The following SRCIN1 variants were observed in gnomAD, a reference collection of about 807,000 sequenced individuals.
SRCIN1 encodes SRC kinase signaling inhibitor 1, also known as P130Cas-associated protein.
A neutral mutation model predicts 116.2 loss-of-function variants in SRCIN1; 50 were observed. The ratio of observed to expected loss-of-function variants is 0.43; its 90% CI spans 0.34 to 0.54. The LOEUF (loss-of-function observed/expected upper bound fraction) is 0.54. Ranked by LOEUF, SRCIN1 falls within the 20% of genes least tolerant of loss-of-function variation. The pLI is 0.02. For missense variants in SRCIN1, 1,446 were observed against 1,672.0 expected (o/e 0.86, Z 2.36); for synonymous variants, 736 against 750.0 (o/e 0.98, Z 0.30).
intron 2 of SRCIN1, among the ~76,000 whole-genome samples, chr17:38,570,223 G>C (rs1401503674): frequency 6.6e-6 from 1 of 152,124 alleles, no homozygotes; most frequent in East Asian, 1.9e-4. Context: ...CTCAGAGACA[G>C]AGACATTCAC....
chr17:38,598,515 C>T (rs974959435), intron 1 of SRCIN1, among the ~76,000 whole-genome samples: 1 of 152,100 alleles, frequency 6.6e-6, no homozygotes, highest in Admixed American at 6.5e-5. Context: ...TGGGGTCTCT[C>T]TATAAGCTGA....
At position 38,563,649 on chromosome 17, in the gene SRCIN1, C is replaced by A; in HGVS notation, c.542-128G>T. ...AGGGTCTGAGGCTAGACGCCGCCCC[C>A]GAGTGCAGATGCACCCAGGCACCTC... On this transcript the variant is annotated intron_variant, in intron 4 of 18. Transcript: ENST00000617146. This position sits in a 1 kb window ranked among gnomAD's most constrained non-coding sequence, Gnocchi z 5.8. The A allele has an allele frequency of 7.7e-7, 1 of 1,305,848 alleles. No homozygotes were observed. Among genetic ancestry groups the A allele is most frequent in the Middle Eastern group, 1.9e-4 (1 of 5,394 alleles). The allele number at this position is 1,305,848 out of a possible 1,614,324, so 80.9% of individuals were successfully genotyped here.
At position 38,548,668 on chromosome 17, in the gene SRCIN1, C is replaced by A. The variant is rs1384132126; in HGVS notation, c.3159G>T (p.Val1053=). The change falls in exon 17 of 19, where the codon GTG becomes GTT. Residue 1053 remains valine (V), a synonymous_variant. Coordinates refer to ENST00000617146, the MANE Select transcript of SRCIN1 (RefSeq NM_025248.3). ...CCTCAGACACAGCCCGGCGCAGCTT[C>A]ACCTGGGGCTTCTGCACCTCCAGCT... ...SEELEVQKPQ[V]KLRRAVSEVA... 1.2e-6 allele frequency: 2 copies of A among 1,611,700 alleles called. No homozygotes were observed. Among genetic ancestry groups the A allele is most frequent in the East Asian group, 4.5e-5 (2 of 44,864 alleles).
Position 38,559,737 on chromosome 17 carries a change from G to A in SRCIN1, c.1873C>T (p.Pro625Ser), listed in dbSNP as rs1392582069. ...GSGGRSSGAT[P>S]VSGPPPPSAS... is the part of the protein sequence containing the mutation. ...GAGGGCGGGGGCGGGCCGGACACCG[G>A]GGTGGCCCCGCTGCTCCGGCCGCCT... The change falls in exon 10 of 19, where the codon CCG becomes TCG. Residue 625 changes from proline to serine, a missense_variant. Pro to Ser is a moderately conservative substitution (Grantham distance 74, BLOSUM62 -1). Around this residue, in one of 5 missense-constraint regions of SRCIN1, gnomAD observed 398 missense variants for 385.6 expected, o/e 1.03. Coordinates refer to ENST00000617146, the MANE Select transcript of SRCIN1 (RefSeq NM_025248.3). 1.9e-6 allele frequency: 3 copies of A among 1,546,492 alleles called. No homozygotes were observed. The Admixed American group carries it at 5.8e-5, about 30-fold the overall frequency.
chr17:38,538,813 C>T (rs1904552270), intron 18 of SRCIN1, among the ~76,000 whole-genome samples: 2 of 152,304 alleles, frequency 1.3e-5, no homozygotes, highest in South Asian at 2.1e-4. Flanking sequence ...GAATTTGTAG[C>T]AGGCACACTC....
intron 1 of SRCIN1, among the ~76,000 whole-genome samples, chr17:38,596,731 G>A (rs1176798786): frequency 1.3e-5 from 2 of 151,952 alleles, no homozygotes; most frequent in Non-Finnish European, 2.9e-5. Flanking sequence ...CCCTGCCTGT[G>A]TTAGAGGAGA....
At chr17:38,539,936 G>C (rs1016248699) in intron 18 of SRCIN1, among the ~76,000 whole-genome samples, 1 of 146,792 alleles carries the variant, frequency 6.8e-6, no homozygotes, top group Non-Finnish European at 1.5e-5. Flanking sequence ...CAGGAGAATC[G>C]CTTGAACCCG....
intron 15 of SRCIN1, among the ~76,000 whole-genome samples, chr17:38,550,336 T>C (rs558365026): frequency 1.8e-4 from 28 of 151,764 alleles, no homozygotes; most frequent in African/African-American, 6.8e-4. Flanking sequence ...CTACTAAAAA[T>C]ACAAAAAAAT....
Position 38,534,564 on chromosome 17 carries a change from A to G in SRCIN1, c.3418-1133T>C, listed in dbSNP as rs527866091. Among the ~76,000 whole-genome samples, 224 of 152,282 alleles carry G rather than the reference A, an allele frequency of 1.5e-3. 1 individual carries two copies. Among genetic ancestry groups the G allele is most frequent in the African/African-American group, 5.2e-3 (216 of 41,554 alleles). On this transcript the variant is annotated intron_variant, in intron 18 of 18. Transcript: ENST00000617146. ...ACAGGGCGCTGTGGCGAGTCACCAG[A>G]GACCACCCTGAGGTTAGGTCTGGGC...
In SRCIN1 at chr17:38,562,522, A is replaced by G. The variant is rs1041650565; in HGVS notation, c.835-194T>C. Among the ~76,000 whole-genome samples, 3 of 152,276 alleles carry G rather than the reference A, an allele frequency of 2.0e-5. No homozygotes were observed. The highest frequency in any genetic ancestry group is 6.8e-3 in the Middle Eastern group (2 of 294). ...ATGGAGGAAAAGGTGGCCGATGAAG[A>G]GGCACCAGAGGGGTAACCCTCAGCT... On this transcript the variant is annotated intron_variant, in intron 6 of 18. Transcript: ENST00000617146. The surrounding 1 kb of genome is among the most constrained non-coding windows in gnomAD (Gnocchi z 4.2).
intron 7 of SRCIN1, among the ~76,000 whole-genome samples, chr17:38,560,951 A>C (rs1199649896): frequency 6.6e-6 from 1 of 152,198 alleles, no homozygotes; most frequent in South Asian, 2.1e-4. Flanking sequence ...TACCTCCTCC[A>C]GCCCTGCACC....
chr17:38,559,457 G>C, intron 10 of SRCIN1, 128 bp downstream of exon 10: 3 of 968,208 alleles, frequency 3.1e-6, no homozygotes, highest in East Asian at 2.8e-5. Flanking sequence ...GCCAGTGAGC[G>C]GCGAAGGACT....
In SRCIN1 at chr17:38,604,641, C is replaced by T. The variant is rs1259244494; in HGVS notation, c.22+1043G>A. ...GCTGGGGGACGAGCACCAGCAGCCG[C>T]ACACGCCCCGCCGGGCCCTGACAGC... is the stretch of plus-strand genomic sequence containing the variant. On this transcript the variant is annotated intron_variant, in intron 1 of 18. Transcript: ENST00000617146. The surrounding 1 kb of genome is among the most constrained non-coding windows in gnomAD (Gnocchi z 4.3). 2.4e-6 allele frequency: 1 copy of T among 414,954 alleles called. No homozygotes were observed. The highest frequency in any genetic ancestry group is 2.1e-5 in the African/African-American group (1 of 47,930). The allele number at this position is 414,954 out of a possible 1,614,324, so 25.7% of individuals were successfully genotyped here.
chr17:38,590,933 C>T (rs1032580916), intron 1 of SRCIN1, among the ~76,000 whole-genome samples: 2 of 152,196 alleles, frequency 1.3e-5, no homozygotes, highest in African/African-American at 2.4e-5. Context: ...TAATCTTGGG[C>T]GCCATCCACC....
rs1906403673 is a variant in SRCIN1, at chr17:38,563,215, G to C, written c.740+108C>G. On this transcript the variant is annotated intron_variant, in intron 5 of 18. Transcript: ENST00000617146. This position sits in a 1 kb window ranked among gnomAD's most constrained non-coding sequence, Gnocchi z 5.8. ...TAGGGCTCTGGGAGGGGAGGGGAAAGGCTGAGGTCGGGTCAGGAAGGAGCT... is the reference window on the plus strand; with the variant it reads ...TAGGGCTCTGGGAGGGGAGGGGAAACGCTGAGGTCGGGTCAGGAAGGAGCT... The C allele has an allele frequency of 2.3e-6, 3 of 1,297,810 alleles. No homozygotes were observed. The highest frequency in any genetic ancestry group is 3.2e-6 in the Non-Finnish European group (3 of 942,326). 80.4% of individuals were successfully genotyped at this position (1,297,810 alleles called of 1,614,324 possible).
chr17:38,583,141 C>T (rs1907913597), intron 1 of SRCIN1, among the ~76,000 whole-genome samples: 1 of 152,190 alleles, frequency 6.6e-6, no homozygotes, highest in African/African-American at 2.4e-5. Flanking sequence ...GCGATTATGG[C>T]TCAGTGCAGC....
chr17:38,533,375 T>C lies in SRCIN1; in HGVS notation c.3474A>G (p.Ser1158=). The change falls in exon 19 of 19, where the codon TCA becomes TCG. Residue 1158 remains serine, a synonymous_variant. Coordinates refer to ENST00000617146, the MANE Select transcript of SRCIN1 (RefSeq NM_025248.3). ...AGGTTCTGGAAGCCGAGGGCTTTTC[T>C]GAGACTGGGCTCGAGGTCTCATTCG... ...SGSNETSSPV[S]EKPSASRTSI... The C allele has an allele frequency of 6.2e-7, 1 of 1,611,532 alleles. No individual in the cohort carries two copies. The highest frequency in any genetic ancestry group is 8.5e-7 in the Non-Finnish European group (1 of 1,179,072).
chr17:38,583,998 A>G (rs1204186091), intron 1 of SRCIN1, among the ~76,000 whole-genome samples: 1 of 152,166 alleles, frequency 6.6e-6, no homozygotes, highest in African/African-American at 2.4e-5. Context: ...CAGCCCAGGG[A>G]AAAGACACAG....
chr17:38,562,028 C>T lies in SRCIN1; in HGVS notation c.1135G>A (p.Asp379Asn). Residue 379 changes from aspartate to asparagine, a missense_variant, in exon 7 of 19, where the codon GAC becomes AAC. Asp to Asn is a conservative substitution (Grantham distance 23). This residue lies in a region of SRCIN1 where 239 missense variants were observed against 317.7 expected (regional missense o/e 0.75). Coordinates refer to ENST00000617146, the MANE Select transcript of SRCIN1 (RefSeq NM_025248.3). The surrounding 1 kb of genome is among the most constrained non-coding windows in gnomAD (Gnocchi z 4.2). ...ATGCCGCCCGCCTTGCTCGCCAGGT[C>T]CTCGTCCGGCTTCACGTCGCGCCGC... ...LERRDVKPDEDLASKAGGMVL... is the reference protein window; with the variant it reads ...LERRDVKPDENLASKAGGMVL... 4 of 1,492,086 alleles carry T rather than the reference C, an allele frequency of 2.7e-6. No homozygotes were observed. Among genetic ancestry groups the T allele is most frequent in the Non-Finnish European group, 3.5e-6 (4 of 1,128,962 alleles). The allele number at this position is 1,492,086 out of a possible 1,614,324, so 92.4% of individuals were successfully genotyped here. A position where few individuals can be genotyped will look rare whatever the true frequency, so the allele number is the denominator to read the frequency against.
Sources: allele counts gnomAD v4.1 joint callset (sites outside exome capture counted in the v4.1 genomes callset), GRCh38; gene constraint gnomAD v4.1.1; regional missense constraint gnomAD v4.1.1; non-coding constraint Gnocchi (gnomAD v3.1); transcripts MANE v1.5; gene names NCBI Gene and HGNC (gene_info 2026-07-23, HGNC 2026-07-21).